MYLK4: variants seen among roughly 807,000 people sequenced by gnomAD.
MYLK4 encodes the protein myosin light chain kinase family member 4, also known as caMLCK like.
In MYLK4, 46 loss-of-function variants were observed where a neutral mutation model predicts 48.1. The ratio of observed to expected loss-of-function variants is 0.96; its 90% CI spans 0.75 to 1.22. MYLK4 has a LOEUF of 1.22. Among genes scored for constraint, MYLK4 ranks in the 50% most tolerant of loss-of-function variants. MYLK4 has a pLI of 0.00. For missense variants in MYLK4, 451 were observed against 486.1 expected (o/e 0.93, Z 0.68); for synonymous variants, 170 against 180.8 (o/e 0.94, Z 0.48).
intron 2 of MYLK4, among the ~76,000 whole-genome samples, chr6:2,723,643 C>A (rs747280780): frequency 6.6e-6 from 1 of 152,162 alleles, no homozygotes; most frequent in Non-Finnish European, 1.5e-5. Context: ...TGTAAACTTA[C>A]GGTTTTGGCT....
At chr6:2,744,120 C>A in intron 2 of MYLK4, 1 of 364,366 alleles carries the variant, frequency 2.7e-6, no homozygotes, top group South Asian at 1.8e-4. Context: ...CAAGCAGTGT[C>A]ACCCTTTGCT....
chr6:2,765,665 CTGCACCAGG>C, the MYLK4 span: 1 of 1,551,422 alleles, frequency 6.4e-7, no homozygotes, highest in Non-Finnish European at 8.6e-7. Flanking sequence ...CCTTTCGCAG[CTGCACCAGG>C]TGCAGTGCCC....
At chr6:2,682,994 G>A (rs759086455) in intron 7 of MYLK4, 27 bp downstream of exon 7, 11 of 1,613,894 alleles carry the variant, frequency 6.8e-6, no homozygotes, top group Admixed American at 5.0e-5. Flanking sequence ...AAGGGCTTAC[G>A]TCTCACAGGA....
At chr6:2,702,762 A>G (rs533259292) in intron 2 of MYLK4, among the ~76,000 whole-genome samples, 1 of 152,340 alleles carries the variant, frequency 6.6e-6, no homozygotes, top group East Asian at 1.9e-4. Context: ...TGCCCCAGGA[A>G]TATACACAAC....
chr6:2,768,047 A>G, the MYLK4 span, among the ~76,000 whole-genome samples: 5 of 152,316 alleles, frequency 3.3e-5, no homozygotes, highest in South Asian at 2.1e-4. Flanking sequence ...TAATAACAGC[A>G]TATACATATT....
chr6:2,748,823 A>G (rs1365814930), intron 2 of MYLK4, among the ~76,000 whole-genome samples: 3 of 152,098 alleles, frequency 2.0e-5, no homozygotes, highest in Non-Finnish European at 4.4e-5. Flanking sequence ...TGCCTCTCAG[A>G]GCCCTTTTCT....
At chr6:2,768,997 G>A in the MYLK4 span, 1 of 1,048,216 alleles carries the variant, frequency 9.5e-7, no homozygotes, top group African/African-American at 1.6e-5. Flanking sequence ...AGAAGCGTAG[G>A]CTTGTGAACC....
At chr6:2,706,779 G>C (rs1014132294) in intron 2 of MYLK4, among the ~76,000 whole-genome samples, 1 of 152,264 alleles carries the variant, frequency 6.6e-6, no homozygotes, top group South Asian at 2.1e-4. Flanking sequence ...CCTCCTTCAC[G>C]GAGAACATGC....
At chr6:2,690,977 C>T (rs180985984) in intron 3 of MYLK4, among the ~76,000 whole-genome samples, 5 of 151,982 alleles carry the variant, frequency 3.3e-5, no homozygotes, top group East Asian at 1.9e-4. Context: ...TACAGGCGCC[C>T]GCCACCACGC....
chr6:2,758,662 C>A, the MYLK4 span, among the ~76,000 whole-genome samples: 41 of 151,994 alleles, frequency 2.7e-4, no homozygotes, highest in African/African-American at 8.9e-4. Context: ...GCAATTTTAC[C>A]ATTTACATGT....
the MYLK4 span, among the ~76,000 whole-genome samples, chr6:2,765,041 G>A: frequency 1.6e-3 from 247 of 152,232 alleles, 1 homozygote; most frequent in African/African-American, 5.8e-3. Context: ...AGCACGGAAG[G>A]CCGGGAAAGC....
At chr6:2,741,243 TC>T (rs1763890679) in intron 2 of MYLK4, among the ~76,000 whole-genome samples, 1 of 152,204 alleles carries the variant, frequency 6.6e-6, no homozygotes, top group Admixed American at 6.6e-5. Flanking sequence ...GTGGATAGGA[TC>T]GTAGTTTGGG....
chr6:2,682,879 G>A (rs1239375963), intron 7 of MYLK4, 142 bp downstream of exon 7: 5 of 851,970 alleles, frequency 5.9e-6, no homozygotes, highest in African/African-American at 1.7e-5. Context: ...TGAGAATAAG[G>A]AGATGAGGGT....
intron 2 of MYLK4, among the ~76,000 whole-genome samples, chr6:2,726,779 AT>A (rs1206462976): frequency 6.6e-6 from 1 of 151,756 alleles, no homozygotes; most frequent in East Asian, 1.9e-4. Context: ...TGCCAGGCTA[AT>A]TTTTTTATTT....
chr6:2,729,151 T>C (rs1763387982), intron 2 of MYLK4, among the ~76,000 whole-genome samples: 1 of 152,200 alleles, frequency 6.6e-6, no homozygotes, highest in South Asian at 2.1e-4. Flanking sequence ...ACACACTTCA[T>C]GTGCCAGCCC....
the MYLK4 span, among the ~76,000 whole-genome samples, chr6:2,762,019 C>G: frequency 3.3e-5 from 5 of 152,128 alleles, no homozygotes; most frequent in African/African-American, 1.2e-4. Context: ...TCAAGTAATT[C>G]TCCTGCCTCA....
At chr6:2,766,564 G>C in the MYLK4 span, 2 of 1,396,130 alleles carry the variant, frequency 1.4e-6, no homozygotes, top group Non-Finnish European at 1.9e-6. Flanking sequence ...GGATAAGGGG[G>C]TGCAGACTTG....
rs368306036 is a variant in MYLK4, at chr6:2,721,456, A to G, written c.159+27680T>C. 1.5e-4 allele frequency among the ~76,000 whole-genome samples: 23 copies of G among 152,318 alleles called. No homozygotes were observed. The Middle Eastern group carries it at 0.014, about 90-fold the overall frequency. ...TGTTGACCAGATTGTAGGGGATCCA[A>G]TTTCTTTCAGTAGAAAGTAAATAGA... On this transcript the variant is annotated intron_variant, in intron 2 of 12. Coordinates refer to ENST00000274643, the MANE Select transcript of MYLK4 (RefSeq NM_001012418.5).
intron 2 of MYLK4, among the ~76,000 whole-genome samples, chr6:2,717,363 C>G (rs1472025561): frequency 6.6e-6 from 1 of 152,146 alleles, no homozygotes; most frequent in Non-Finnish European, 1.5e-5. Context: ...TAAAGCAGGT[C>G]CCTAAGCAGA....
Sources: gnomAD v4.1 joint callset for allele counts (sites outside exome capture counted in the v4.1 genomes callset) on GRCh38, gnomAD v4.1.1 for gene constraint, MANE v1.5 for transcripts, NCBI Gene and HGNC (gene_info 2026-07-23, HGNC 2026-07-21) for gene names.